The following GPI variants were observed in gnomAD, a reference collection of about 807,000 sequenced individuals.
GPI encodes glucose-6-phosphate isomerase, also known as D-hexose-6-phosphate anomerase.
Under a neutral mutation model 75.8 loss-of-function variants are expected in GPI, and 56 were observed. The ratio of observed to expected loss-of-function variants is 0.74; its 90% CI spans 0.60 to 0.92. GPI has a LOEUF of 0.92. GPI is among the 40% of genes least tolerant of loss of function. GPI has a pLI of 0.00. For missense variants in GPI, 638 were observed against 741.0 expected (o/e 0.86, Z 1.61); for synonymous variants, 288 against 285.4 (o/e 1.01, Z -0.09).
intron 9 of GPI, among the ~76,000 whole-genome samples, chr19:34,385,354 A>G (rs150951647): frequency 7.0e-6 from 1 of 143,868 alleles, no homozygotes; most frequent in African/African-American, 2.7e-5. Context: ...TGTCTCAAAC[A>G]AAAAACAAAA....
intron 9 of GPI, among the ~76,000 whole-genome samples, chr19:34,391,347 C>G (rs796080429): frequency 2.6e-3 from 3 of 1,166 alleles, no homozygotes; most frequent in African/African-American, 9.3e-3. Flanking sequence ...GAGGAGTTAC[C>G]ATCTGGTACA....
intron 4 of GPI, among the ~76,000 whole-genome samples, chr19:34,374,796 C>G (rs991186670): frequency 1.4e-5 from 2 of 148,048 alleles, no homozygotes; most frequent in Non-Finnish European, 1.5e-5. Context: ...GTGGTGCAGT[C>G]ACTGCTCACT....
chr19:34,381,412 T>A lies in GPI; in HGVS notation c.751-54T>A. ...CTGCCTCCCGGAGCTCCTGTTCCCA[T>A]CCCGCTAGCAAATGCTTCTTTGCAT... is the stretch of plus-strand genomic sequence containing the variant. On this transcript the variant is annotated intron_variant, in intron 8 of 17. Coordinates refer to ENST00000356487, the MANE Select transcript of GPI (RefSeq NM_000175.5). The A allele has an allele frequency of 2.5e-6, 3 of 1,210,902 alleles. No homozygotes were observed. The East Asian group carries it at 7.0e-5, about 28-fold the overall frequency. 75.0% of individuals were successfully genotyped at this position (1,210,902 alleles called of 1,614,324 possible). A position where few individuals can be genotyped will look rare whatever the true frequency, so the allele number is the denominator to read the frequency against.
intron 8 of GPI, 117 bp downstream of exon 8, chr19:34,379,679 T>C (rs776948766): frequency 1.1e-6 from 1 of 885,558 alleles, no homozygotes. Context: ...GCTGATGGTA[T>C]GGAAGGTTTG....
At chr19:34,365,165 C>A (rs1437090653), upstream of GPI, 7 of 1,250,176 alleles carry the variant, frequency 5.6e-6, no homozygotes, top group Non-Finnish European at 7.0e-6. Flanking sequence ...GGCGCCTGCG[C>A]CATAAAGGCC....
chr19:34,366,659 G>T, intron 2 of GPI, 124 bp from the exon 3 acceptor site: 1 of 790,338 alleles, frequency 1.3e-6, no homozygotes. Flanking sequence ...GACAGCAGGG[G>T]AGGGAACCAG....
chr19:34,381,360 G>A, intron 8 of GPI, 106 bp from the exon 9 acceptor site: 1 of 820,732 alleles, frequency 1.2e-6, no homozygotes, highest in Non-Finnish European at 2.2e-6. Context: ...TGGGGAAGGT[G>A]AGGCTCAGCT....
At chr19:34,394,132 C>G in intron 12 of GPI, 66 bp downstream of exon 12, 1 of 1,319,086 alleles carries the variant, frequency 7.6e-7, no homozygotes, top group Non-Finnish European at 1.1e-6. Context: ...GGTCTAGGAA[C>G]CTGGGTTTCA....
upstream of GPI, among the ~76,000 whole-genome samples, chr19:34,362,960 A>G (rs556110406): frequency 2.7e-4 from 41 of 152,348 alleles, 1 homozygote; most frequent in Middle Eastern, 6.8e-3. Flanking sequence ...ACAGCCGTCC[A>G]TCTGGTCACC....
At chr19:34,367,907 C>A (rs1461674495) in intron 3 of GPI, among the ~76,000 whole-genome samples, 1 of 152,194 alleles carries the variant, frequency 6.6e-6, no homozygotes, top group African/African-American at 2.4e-5. Context: ...GAGCACTCAT[C>A]TTCGGAAAGC....
At chr19:34,377,672 C>T (rs892530885) in intron 5 of GPI, 63 bp from the exon 6 acceptor site, 2 of 1,596,000 alleles carry the variant, frequency 1.3e-6, no homozygotes, top group African/African-American at 1.3e-5. Context: ...GGGATGGGAC[C>T]TGGCTGTCTC....
Position 34,375,088 on chromosome 19 carries a change from GT to G in GPI, c.403-2413del, listed in dbSNP as rs1282345069. 2.0e-5 allele frequency among the ~76,000 whole-genome samples: 3 copies of G among 150,148 alleles called. No homozygotes were observed. In the East Asian group the frequency reaches 5.9e-4, roughly 30 times the overall value. On this transcript the variant is annotated intron_variant, in intron 4 of 17. Coordinates refer to ENST00000356487, the MANE Select transcript of GPI (RefSeq NM_000175.5). ...ACTTCTGATACCAAAATCTGTATTAGTTATCTATCATTGTATAACAAATGAC... is the reference window on the plus strand; with the variant it reads ...ACTTCTGATACCAAAATCTGTATTAGTATCTATCATTGTATAACAAATGAC...
intron 9 of GPI, among the ~76,000 whole-genome samples, chr19:34,385,726 A>G (rs2074725568): frequency 6.6e-6 from 1 of 151,420 alleles, no homozygotes; most frequent in African/African-American, 2.4e-5. Context: ...GCTGGCCCAC[A>G]AGGTACAAGC....
In GPI at chr19:34,393,801, T is replaced by C. The variant is rs1489289993; in HGVS notation, c.909+30T>C. On this transcript the variant is annotated intron_variant, in intron 11 of 17. Transcript: ENST00000356487. The surrounding 1 kb of genome is among the most constrained non-coding windows in gnomAD (Gnocchi z 4.4). ...GTGCTGAGGCTGGTTCTCTGCCAAG[T>C]GCTGGCCAGAGGCGCGTGTGTTGGT... 2 of 1,611,832 alleles carry C rather than the reference T, an allele frequency of 1.2e-6. No individual in the cohort carries two copies. The highest frequency in any genetic ancestry group is 1.7e-6 in the Non-Finnish European group (2 of 1,179,264).
At position 34,401,770 on chromosome 19, in the gene GPI, CTGG is replaced by C. The variant is rs1267537899; in HGVS notation, c.*1735_*1737del. On this transcript the variant is annotated 3_prime_UTR_variant, in exon 18 of 18. Coordinates refer to ENST00000356487, the MANE Select transcript of GPI (RefSeq NM_000175.5). The stretch of plus-strand genomic sequence containing the variant: ...CTTCTCACCTCAGCCTTCCAAGTAG[CTGG>C]GTCCGCAGATGCATGCCAGTACACC... 2.0e-5 allele frequency: 3 copies of C among 152,214 alleles called. No individual in the cohort carries two copies. The highest frequency in any genetic ancestry group is 7.2e-5 in the African/African-American group (3 of 41,460). The allele number at this position is 152,214 out of a possible 1,614,324, so 9.4% of individuals were successfully genotyped here.
At chr19:34,364,987 C>T (rs1568322209), upstream of GPI, 2 of 1,531,908 alleles carry the variant, frequency 1.3e-6, no homozygotes, top group South Asian at 2.4e-5. Context: ...CTGCCACTTC[C>T]GGGCAGAGGC....
chr19:34,379,668 G>A, intron 8 of GPI, 106 bp downstream of exon 8: 1 of 957,068 alleles, frequency 1.0e-6, no homozygotes, highest in Non-Finnish European at 1.7e-6. Flanking sequence ...ATCTTGGCTT[G>A]GCTGATGGTA....
chr19:34,360,969 G>A (rs1022517133), upstream of GPI, among the ~76,000 whole-genome samples: 4 of 152,010 alleles, frequency 2.6e-5, no homozygotes, highest in African/African-American at 9.7e-5. Context: ...GTAGAGACAG[G>A]GTTTCACCAT....
Position 34,393,420 on chromosome 19 carries a change from C to A in GPI, c.865+112C>A. On this transcript the variant is annotated intron_variant, in intron 10 of 17. Transcript: ENST00000356487. This position sits in a 1 kb window ranked among gnomAD's most constrained non-coding sequence, Gnocchi z 4.4. ...CATGCTGTCCTCACAGGCTGCTGGCCTCTCTGCAGCTGGCTGGGATATTTA... is the reference window on the plus strand; with the variant it reads ...CATGCTGTCCTCACAGGCTGCTGGCATCTCTGCAGCTGGCTGGGATATTTA... The A allele has an allele frequency of 1.1e-6, 1 of 883,790 alleles. No individual in the cohort carries two copies. Among genetic ancestry groups the A allele is most frequent in the Non-Finnish European group, 1.9e-6 (1 of 517,722 alleles). 54.7% of individuals were successfully genotyped at this position (883,790 alleles called of 1,614,324 possible).
Sources: allele counts gnomAD v4.1 joint callset (sites outside exome capture counted in the v4.1 genomes callset), GRCh38; gene constraint gnomAD v4.1.1; non-coding constraint Gnocchi (gnomAD v3.1); transcripts MANE v1.5; gene names NCBI Gene and HGNC (gene_info 2026-07-23, HGNC 2026-07-21).